The following CRTAC1 variants were observed in gnomAD, a reference collection of about 807,000 sequenced individuals.
The protein encoded by CRTAC1 is acidic secreted protein in cartilage.
Under a neutral mutation model 67.8 loss-of-function variants are expected in CRTAC1, and 37 were observed. The ratio of observed to expected loss-of-function variants is 0.55; its 90% CI spans 0.42 to 0.72. The LOEUF (loss-of-function observed/expected upper bound fraction) is 0.72. Ranked by LOEUF, CRTAC1 falls within the 30% of genes least tolerant of loss-of-function variation. The probability of loss-of-function intolerance (pLI) is 0.00; values close to 1 mark genes in which losing one functional copy is unlikely to be tolerated. For missense variants in CRTAC1, 780 were observed against 931.6 expected, an observed-to-expected ratio of 0.84 and a Z score of 2.12; for synonymous variants, 348 against 371.0, an observed-to-expected ratio of 0.94 and a Z score of 0.71.
intron 2 of CRTAC1, among the ~76,000 whole-genome samples, chr10:97,962,995 G>C (rs145326838): frequency 6.6e-6 from 1 of 152,014 alleles, no homozygotes; most frequent in Non-Finnish European, 1.5e-5. Context: ...GAGACTAAAG[G>C]TTCCAAAATT....
intron 1 of CRTAC1, among the ~76,000 whole-genome samples, chr10:98,028,312 A>G (rs766645964): frequency 6.6e-6 from 1 of 152,232 alleles, no homozygotes; most frequent in Non-Finnish European, 1.5e-5. Context: ...TACAGCCAGT[A>G]AAGGGCAAGA....
chr10:97,990,146 C>A (rs985208111), intron 2 of CRTAC1, among the ~76,000 whole-genome samples: 3 of 152,154 alleles, frequency 2.0e-5, no homozygotes, highest in African/African-American at 7.2e-5. Context: ...AAAGCCCATG[C>A]ACAGATGGAT....
chr10:98,015,158 TA>T (rs1217698336), intron 1 of CRTAC1, among the ~76,000 whole-genome samples: 1 of 151,868 alleles, frequency 6.6e-6, no homozygotes, highest in Non-Finnish European at 1.5e-5. Flanking sequence ...AAAGAAAAAA[TA>T]AAAAATAAAT....
chr10:97,911,650 C>A (rs2050689933), intron 5 of CRTAC1, among the ~76,000 whole-genome samples: 1 of 152,218 alleles, frequency 6.6e-6, no homozygotes, highest in Admixed American at 6.5e-5. Context: ...AAACGACTCC[C>A]AGGTCGACAA....
chr10:97,877,502 T>C (rs2050161847), intron 14 of CRTAC1, among the ~76,000 whole-genome samples: 1 of 152,256 alleles, frequency 6.6e-6, no homozygotes, highest in African/African-American at 2.4e-5. Flanking sequence ...GCCTAGAGCC[T>C]AGCTCAGTAC....
intron 3 of CRTAC1, among the ~76,000 whole-genome samples, chr10:97,929,314 T>C (rs770337986): frequency 4.6e-5 from 7 of 151,998 alleles, no homozygotes; most frequent in Non-Finnish European, 1.0e-4. Flanking sequence ...AGAAGCCACA[T>C]TTGGGACAGA....
chr10:98,019,600 C>T (rs550557464), intron 1 of CRTAC1, among the ~76,000 whole-genome samples: 17 of 152,326 alleles, frequency 1.1e-4, no homozygotes, highest in Admixed American at 5.2e-4. Context: ...TTACTCTGCT[C>T]CCTTCTCCCA....
intron 11 of CRTAC1, among the ~76,000 whole-genome samples, chr10:97,887,135 C>T (rs1037024415): frequency 1.3e-5 from 2 of 151,944 alleles, no homozygotes; most frequent in African/African-American, 2.4e-5. Flanking sequence ...AATGTGTTTT[C>T]CAGACTGACT....
chr10:97,919,125 G>A (rs2050801531), intron 4 of CRTAC1, among the ~76,000 whole-genome samples: 1 of 152,064 alleles, frequency 6.6e-6, no homozygotes, highest in South Asian at 2.1e-4. Flanking sequence ...CTTTGAGGAA[G>A]CTGATTAAGA....
chr10:98,002,853 A>T (rs1344196809), intron 2 of CRTAC1, among the ~76,000 whole-genome samples: 1 of 124,416 alleles, frequency 8.0e-6, no homozygotes, highest in East Asian at 2.4e-4. Context: ...ATCTCCGTTC[A>T]CTGCAAGCTC....
intron 2 of CRTAC1, among the ~76,000 whole-genome samples, chr10:97,963,220 G>A (rs2136644480): frequency 6.6e-6 from 1 of 152,166 alleles, no homozygotes; most frequent in African/African-American, 2.4e-5. Flanking sequence ...CTCCCTACTT[G>A]GTGCTTGTGT....
intron 13 of CRTAC1, among the ~76,000 whole-genome samples, chr10:97,881,381 C>G (rs903783082): frequency 2.0e-5 from 3 of 152,206 alleles, no homozygotes; most frequent in African/African-American, 4.8e-5. Context: ...AGTCTTCCCC[C>G]CGAGGCCCTC....
chr10:97,960,130 C>T (rs1040398867), intron 2 of CRTAC1, among the ~76,000 whole-genome samples: 9 of 152,322 alleles, frequency 5.9e-5, no homozygotes, highest in African/African-American at 1.9e-4. Context: ...GGAATGCTCC[C>T]GAAGTTCCCA....
chr10:97,947,176 G>T (rs1331759874), intron 2 of CRTAC1, among the ~76,000 whole-genome samples: 1 of 152,190 alleles, frequency 6.6e-6, no homozygotes, highest in Non-Finnish European at 1.5e-5. Flanking sequence ...AGATAAGTCA[G>T]GCATTGACTT....
chr10:97,910,708 C>G (rs113914113), intron 5 of CRTAC1, among the ~76,000 whole-genome samples: 4,443 of 152,202 alleles, frequency 0.029, 207 homozygotes, highest in African/African-American at 0.099. Context: ...TGAGAGATGC[C>G]CCCAGGGGAA....
Position 98,006,780 on chromosome 10 carries a change from C to T in CRTAC1, c.224+4358G>A, listed in dbSNP as rs562536033. Among the ~76,000 whole-genome samples, 21 of 152,226 alleles carry T rather than the reference C, an allele frequency of 1.4e-4. No homozygotes were observed. The South Asian group carries it at 1.7e-3, about 12-fold the overall frequency. On this transcript the variant is annotated intron_variant, in intron 2 of 14. Transcript: ENST00000370597. ...CTCCCAGGGGTGGCAAAAGTAAATG[C>T]CTTCAGGGGACAGGTAATGGAAAGG... is the stretch of plus-strand genomic sequence containing the variant.
intron 7 of CRTAC1, 144 bp downstream of exon 7, chr10:97,904,525 T>G: frequency 1.5e-6 from 1 of 686,056 alleles, no homozygotes; most frequent in Non-Finnish European, 2.2e-6. Flanking sequence ...GGGCTCAAGA[T>G]TCCTGTGCCT....
chr10:97,924,457 C>T (rs1228789846), intron 3 of CRTAC1, among the ~76,000 whole-genome samples: 1 of 152,102 alleles, frequency 6.6e-6, no homozygotes, highest in Non-Finnish European at 1.5e-5. Context: ...GAAGAGGCAG[C>T]AGGCTTAGAC....
intron 3 of CRTAC1, among the ~76,000 whole-genome samples, chr10:97,924,298 G>A (rs549681591): frequency 3.4e-4 from 52 of 152,278 alleles, no homozygotes; most frequent in African/African-American, 1.2e-3. Context: ...GCAAGACCCC[G>A]AATGTTCGTA....
Sources: allele counts gnomAD v4.1 joint callset (sites outside exome capture counted in the v4.1 genomes callset), GRCh38; gene constraint gnomAD v4.1.1; transcripts MANE v1.5; gene names NCBI Gene and HGNC (gene_info 2026-07-23, HGNC 2026-07-21).